Variants in SKI observed in about 807,000 individuals in gnomAD.
SKI encodes ski oncogene.
Under a neutral mutation model 59.3 loss-of-function variants are expected in SKI, and 23 were observed. That is an observed-to-expected ratio of 0.39 (90% CI 0.28 to 0.55). The LOEUF (loss-of-function observed/expected upper bound fraction) is 0.55, where lower values mean the gene tolerates loss of function less well. Among genes scored for constraint, SKI ranks in the 20% least tolerant of loss-of-function variants. The pLI is 0.67. For synonymous variants in SKI, 673 were observed against 488.6 expected (o/e 1.38, Z -4.98); for missense variants, 1,017 against 1,038.9 (o/e 0.98, Z 0.29).
intron 1 of SKI, among the ~76,000 whole-genome samples, chr1:2,293,402 T>A (rs889394038): frequency 2.0e-5 from 3 of 149,908 alleles, no homozygotes; most frequent in Non-Finnish European, 4.4e-5. Context: ...ATGTCGCTTC[T>A]CTGAAGATGA....
At chr1:2,253,152 C>G (rs906295920) in intron 1 of SKI, among the ~76,000 whole-genome samples, 1 of 151,884 alleles carries the variant, frequency 6.6e-6, no homozygotes, top group African/African-American at 2.4e-5. Context: ...TAACGCGATT[C>G]AGTTCAGTTG....
Position 2,270,535 on chromosome 1 carries a change from G to T in SKI, c.970-32443G>T, listed in dbSNP as rs1191078591. Among the ~76,000 whole-genome samples, 1 of 152,220 alleles carries T rather than the reference G, an allele frequency of 6.6e-6. No homozygotes were observed. The highest frequency in any genetic ancestry group is 1.9e-4 in the East Asian group (1 of 5,190). ...CTGCCATCTGGCGATTGTAAAACGGGCAGTGTGCAGTGTTGAGGGGGCGCT... is the reference window on the plus strand; with the variant it reads ...CTGCCATCTGGCGATTGTAAAACGGTCAGTGTGCAGTGTTGAGGGGGCGCT... On this transcript the variant is annotated intron_variant, in intron 1 of 6. Transcript: ENST00000378536. The surrounding 1 kb of genome is among the most constrained non-coding windows in gnomAD (Gnocchi z 4.1).
chr1:2,275,411 C>A (rs1639719237), intron 1 of SKI, among the ~76,000 whole-genome samples: 1 of 152,232 alleles, frequency 6.6e-6, no homozygotes, highest in Admixed American at 6.5e-5. Context: ...CTGAGGCGAT[C>A]TGGGTGTGGC....
At chr1:2,283,641 G>A (rs974178836) in intron 1 of SKI, among the ~76,000 whole-genome samples, 15 of 151,742 alleles carry the variant, frequency 9.9e-5, no homozygotes, top group African/African-American at 2.0e-4. Context: ...TGGGTACCAC[G>A]AGGGGCCATC....
intron 1 of SKI, among the ~76,000 whole-genome samples, chr1:2,241,416 T>G (rs1345846973): frequency 6.6e-6 from 1 of 152,162 alleles, no homozygotes; most frequent in Admixed American, 6.5e-5. Context: ...TCTTTGAGAC[T>G]GAGTCCTGCT....
At chr1:2,233,561 C>T (rs565162850) in intron 1 of SKI, among the ~76,000 whole-genome samples, 15 of 152,194 alleles carry the variant, frequency 9.9e-5, no homozygotes, top group Admixed American at 5.9e-4. Flanking sequence ...GGAAGCTCTG[C>T]GCGCTTCCCA....
intron 1 of SKI, among the ~76,000 whole-genome samples, chr1:2,290,525 A>G (rs1640137623): frequency 7.3e-6 from 1 of 137,390 alleles, no homozygotes; most frequent in South Asian, 2.3e-4. Context: ...CAGCCCCAGA[A>G]CAACAGTTGG....
intron 1 of SKI, among the ~76,000 whole-genome samples, chr1:2,246,450 T>C (rs1209819619): frequency 6.6e-6 from 1 of 152,184 alleles, no homozygotes; most frequent in African/African-American, 2.4e-5. Context: ...TTCTGTCTCC[T>C]GTTTGTCTAC....
chr1:2,302,224 G>A (rs374245069), intron 1 of SKI, among the ~76,000 whole-genome samples: 3 of 152,220 alleles, frequency 2.0e-5, no homozygotes, highest in African/African-American at 7.2e-5. Context: ...CTCCACCAGC[G>A]GGACCTGGTT....
intron 1 of SKI, among the ~76,000 whole-genome samples, chr1:2,236,502 G>A (rs1222224521): frequency 6.6e-6 from 1 of 152,120 alleles, no homozygotes; most frequent in Non-Finnish European, 1.5e-5. Context: ...AGCCTCCCGG[G>A]TTCAAGCAAT....
intron 1 of SKI, among the ~76,000 whole-genome samples, chr1:2,231,149 T>TC (rs1638629269): frequency 6.6e-6 from 1 of 152,072 alleles, no homozygotes; most frequent in Admixed American, 6.6e-5. Flanking sequence ...CCGATGGCGC[T>TC]CCCTGTGGGC....
At chr1:2,283,634 GT>G (rs1639965063) in intron 1 of SKI, among the ~76,000 whole-genome samples, 1 of 151,872 alleles carries the variant, frequency 6.6e-6, no homozygotes. Context: ...GTGGCTTTGG[GT>G]ACCACGAGGG....
rs768867762 is a variant in SKI at position 2,287,195 on chromosome 1, G to A, written c.970-15783G>A. 1.1e-4 allele frequency among the ~76,000 whole-genome samples: 16 copies of A among 152,110 alleles called. 1 individual carries two copies. Among genetic ancestry groups the A allele is most frequent in the African/African-American group, 1.2e-4 (5 of 41,420 alleles). On this transcript the variant is annotated intron_variant, in intron 1 of 6. Transcript: ENST00000378536. ...CTGTGCTCTGGACCCTGGGCCGTGC[G>A]GGGCTCCAGGGCGCCTGGAGACTGC...
intron 1 of SKI, among the ~76,000 whole-genome samples, chr1:2,291,199 A>T: frequency 6.6e-6 from 1 of 152,234 alleles, no homozygotes; most frequent in East Asian, 1.9e-4. Flanking sequence ...TTCAGCATTT[A>T]CCTTCAGTAG....
chr1:2,306,085 C>T lies in SKI; in HGVS notation c.1833C>T (p.Asn611=), dbSNP rs1557853907. ...KLREATEAKR[N]LRKEIERLRA... ...GGGAGGCCACGGAGGCCAAGCGTAA[C>T]CTGCGGAAGGAGATCGAGCGTCTCC... The change falls in exon 6 of 7, where the codon AAC becomes AAT. Residue 611 remains asparagine, a synonymous_variant. Coordinates refer to ENST00000378536, the MANE Select transcript of SKI (RefSeq NM_003036.4). 15 of 1,602,472 alleles carry T rather than the reference C, an allele frequency of 9.4e-6. No homozygotes were observed. In the South Asian group the frequency reaches 1.0e-4, roughly 11 times the overall value.
intron 1 of SKI, among the ~76,000 whole-genome samples, chr1:2,236,298 C>G (rs1404133176): frequency 6.6e-6 from 1 of 152,202 alleles, no homozygotes; most frequent in African/African-American, 2.4e-5. Flanking sequence ...GGGCCAGATT[C>G]AATAACTCAC....
At chr1:2,265,341 C>T (rs895252617) in intron 1 of SKI, among the ~76,000 whole-genome samples, 1 of 152,062 alleles carries the variant, frequency 6.6e-6, no homozygotes, top group Admixed American at 6.6e-5. Flanking sequence ...TCCTCTATTT[C>T]CCTGTGAGTA....
At chr1:2,305,894 G>C in intron 5 of SKI, 126 bp from the exon 6 acceptor site, 2 of 790,438 alleles carry the variant, frequency 2.5e-6, no homozygotes, top group African/African-American at 1.7e-5. Context: ...TGGCGCGCTG[G>C]GGGCGGGGCT....
chr1:2,289,882 G>A (rs1189935158), intron 1 of SKI, among the ~76,000 whole-genome samples: 1 of 152,132 alleles, frequency 6.6e-6, no homozygotes, highest in Non-Finnish European at 1.5e-5. Context: ...GAGGGAAGGG[G>A]TGGCCTGGCC....
Sources: allele counts gnomAD v4.1 joint callset (sites outside exome capture counted in the v4.1 genomes callset), GRCh38; gene constraint gnomAD v4.1.1; non-coding constraint Gnocchi (gnomAD v3.1); transcripts MANE v1.5; gene names NCBI Gene and HGNC (gene_info 2026-07-23, HGNC 2026-07-21).